MYO7A: variants seen among roughly 807,000 people sequenced by gnomAD.
MYO7A encodes unconventional myosin-VIIa.
In MYO7A, 210 loss-of-function variants were observed where a neutral mutation model predicts 263.8. The ratio of observed to expected loss-of-function variants is 0.80; its 90% CI spans 0.71 to 0.89. The LOEUF (loss-of-function observed/expected upper bound fraction) is 0.89, where lower values mean the gene tolerates loss of function less well. Ranked by LOEUF, MYO7A falls within the 40% of genes least tolerant of loss-of-function variation. MYO7A has a pLI of 0.00. For synonymous variants in MYO7A, 1,239 were observed against 1,197.3 expected, an observed-to-expected ratio of 1.03 and a Z score of -0.72; for missense variants, 2,820 against 2,968.3, an observed-to-expected ratio of 0.95 and a Z score of 1.16.
At chr11:77,205,752 A>T in intron 40 of MYO7A, 135 bp downstream of exon 40, 1 of 1,221,080 alleles carries the variant, frequency 8.2e-7, no homozygotes, top group Non-Finnish European at 1.1e-6. Flanking sequence ...ACTGCCAGCT[A>T]GACGGAGGTG....
chr11:77,186,891 A>T (rs1555088758), intron 27 of MYO7A, among the ~76,000 whole-genome samples: 1 of 152,128 alleles, frequency 6.6e-6, no homozygotes, highest in Admixed American at 6.5e-5. Context: ...TTCCTCTCTA[A>T]TCATTTCTAG....
intron 45 of MYO7A, 49 bp from the exon 46 acceptor site, chr11:77,211,757 TGGCCTGCCCTGAGCA>T (rs1957893987): frequency 2.3e-6 from 3 of 1,296,660 alleles, no homozygotes; most frequent in East Asian, 2.3e-5. Context: ...AGCTCTGAGC[TGGCCTGCCCTGAGCA>T]GGCCTGTCCC....
intron 4 of MYO7A, among the ~76,000 whole-genome samples, chr11:77,154,436 G>A (rs1289872902): frequency 2.6e-5 from 4 of 152,204 alleles, no homozygotes; most frequent in Non-Finnish European, 5.9e-5. Flanking sequence ...CCATGTGGGT[G>A]TCATTCGTGG....
chr11:77,209,054 C>G, intron 44 of MYO7A: 1 of 526,330 alleles, frequency 1.9e-6, no homozygotes, highest in South Asian at 2.5e-5. Flanking sequence ...GTTCAGGCCC[C>G]TCCTTCAGTG....
At chr11:77,214,429 C>T (rs1958036964) in intron 48 of MYO7A, among the ~76,000 whole-genome samples, 178 bp from the exon 49 acceptor site, 1 of 152,210 alleles carries the variant, frequency 6.6e-6, no homozygotes, top group African/African-American at 2.4e-5. Context: ...GAACCTTAGC[C>T]ATCTGGCTGG....
chr11:77,132,517 T>C (rs1950796533), intron 2 of MYO7A, among the ~76,000 whole-genome samples: 1 of 152,096 alleles, frequency 6.6e-6, no homozygotes, highest in Non-Finnish European at 1.5e-5. Context: ...TGAGACAGAG[T>C]CTTGCTTTGT....
chr11:77,169,742 T>A (rs80023832), intron 15 of MYO7A, among the ~76,000 whole-genome samples: 1 of 152,106 alleles, frequency 6.6e-6, no homozygotes, highest in South Asian at 2.1e-4. Context: ...AAAAAGTCTC[T>A]GTCCTTATGG....
chr11:77,186,347 A>G (rs1555088451), intron 27 of MYO7A, among the ~76,000 whole-genome samples: 1 of 152,224 alleles, frequency 6.6e-6, no homozygotes, highest in African/African-American at 2.4e-5. Flanking sequence ...CCTTGAAGCC[A>G]GCCATTGACT....
At chr11:77,163,669 G>A (rs1049440497) in intron 14 of MYO7A, among the ~76,000 whole-genome samples, 9 of 152,184 alleles carry the variant, frequency 5.9e-5, no homozygotes, top group African/African-American at 1.9e-4. Flanking sequence ...TGGTGAAGAC[G>A]TGACTGTATT....
intron 11 of MYO7A, among the ~76,000 whole-genome samples, chr11:77,160,574 T>C (rs1555067872): frequency 6.6e-6 from 1 of 152,094 alleles, no homozygotes; most frequent in African/African-American, 2.4e-5. Flanking sequence ...GAAGAGGGGA[T>C]CTAGGTCAGG....
intron 14 of MYO7A, among the ~76,000 whole-genome samples, chr11:77,164,613 A>G (rs1555071369): frequency 6.6e-6 from 1 of 152,204 alleles, no homozygotes; most frequent in Non-Finnish European, 1.5e-5. Context: ...AGCAGACATT[A>G]AGTTTGAAGG....
At position 77,165,985 on chromosome 11, in the gene MYO7A, G is replaced by T. The variant is rs146164075; in HGVS notation, c.1691-71G>T. The T allele has an allele frequency of 3.3e-4, 374 of 1,128,484 alleles. No individual in the cohort carries two copies. In the Middle Eastern group the frequency reaches 3.4e-3, roughly 10 times the overall value. 69.9% of individuals were successfully genotyped at this position (1,128,484 alleles called of 1,614,324 possible). Reference sequence around the variant, plus strand: ...TAGGTGGATTTTGAGGGTCCTCCTGGCTCAGATGTTATGGGTTTGGGGAGG... The same window carrying T: ...TAGGTGGATTTTGAGGGTCCTCCTGTCTCAGATGTTATGGGTTTGGGGAGG... On this transcript the variant is annotated intron_variant, in intron 14 of 48. Coordinates refer to ENST00000409709, the MANE Select transcript of MYO7A (RefSeq NM_000260.4).
intron 2 of MYO7A, among the ~76,000 whole-genome samples, chr11:77,132,679 G>A (rs1950800313): frequency 6.6e-6 from 1 of 152,174 alleles, no homozygotes; most frequent in Non-Finnish European, 1.5e-5. Context: ...AATAAAGACG[G>A]GGTTTCACCA....
At chr11:77,200,614 T>G (rs1481387166) in intron 35 of MYO7A, among the ~76,000 whole-genome samples, 1 of 152,238 alleles carries the variant, frequency 6.6e-6, no homozygotes. Context: ...TCACAGACCA[T>G]GCCCCGTGGC....
At chr11:77,159,344 G>A in intron 9 of MYO7A, 103 bp from the exon 10 acceptor site, 1 of 1,058,042 alleles carries the variant, frequency 9.5e-7, no homozygotes, top group Non-Finnish European at 1.4e-6. Context: ...GGACAGGGCA[G>A]GACCCCGGCA....
chr11:77,194,419 G>A lies in MYO7A; in HGVS notation c.4218G>A (p.Leu1406=). Residue 1406 remains leucine (L), a synonymous_variant, in exon 32 of 49, where the codon CTG becomes CTA. Transcript: ENST00000409709. Reference sequence around the variant, plus strand: ...TAGACTATGGCTCTGAGATGATCCTGGAGCGCCTCCTGAACCTCGTGCCCA... The same window carrying A: ...TAGACTATGGCTCTGAGATGATCCTAGAGCGCCTCCTGAACCTCGTGCCCA... ...YFVDYGSEMI[L]ERLLNLVPTY... 1 of 1,612,376 alleles carries A rather than the reference G, an allele frequency of 6.2e-7. No homozygotes were observed.
chr11:77,179,641 T>C (rs1460058269), intron 20 of MYO7A, 94 bp from the exon 21 acceptor site: 16 of 1,182,776 alleles, frequency 1.4e-5, no homozygotes, highest in Non-Finnish European at 4.7e-6. Context: ...GGTGCCTGTC[T>C]GAGAGTGGAG....
At chr11:77,211,671 G>A in intron 45 of MYO7A, 150 bp from the exon 46 acceptor site, 1 of 639,534 alleles carries the variant, frequency 1.6e-6, no homozygotes, top group South Asian at 1.9e-5. Context: ...ACAGTCCCCA[G>A]GTCTGCTGTC....
chr11:77,139,649 T>C (rs1951089287), intron 2 of MYO7A, among the ~76,000 whole-genome samples: 1 of 152,160 alleles, frequency 6.6e-6, no homozygotes, highest in Non-Finnish European at 1.5e-5. Context: ...CCCTCCTGCC[T>C]CTCAATGAAG....
Sources: allele counts gnomAD v4.1 joint callset (sites outside exome capture counted in the v4.1 genomes callset), GRCh38; gene constraint gnomAD v4.1.1; transcripts MANE v1.5; gene names NCBI Gene and HGNC (gene_info 2026-07-23, HGNC 2026-07-21).